Variants in GRXCR1 observed in about 807,000 individuals in gnomAD.
GRXCR1 encodes glutaredoxin and cysteine rich domain containing 1.
GRXCR1 carries 27 observed loss-of-function variants against 27.3 expected under a neutral mutation model. The observed-to-expected ratio is 0.99, with a 90% CI of 0.73 to 1.37. GRXCR1 has a LOEUF of 1.37. GRXCR1 is among the 40% of genes most tolerant of loss of function. The probability of loss-of-function intolerance (pLI) is 0.00; values close to 1 mark genes in which losing one functional copy is unlikely to be tolerated. For synonymous variants in GRXCR1, 122 were observed against 131.1 expected (o/e 0.93, Z 0.47); for missense variants, 379 against 354.4 (o/e 1.07, Z -0.56).
At chr4:42,939,930 C>T (rs568064429) in intron 1 of GRXCR1, among the ~76,000 whole-genome samples, 43 of 151,940 alleles carry the variant, frequency 2.8e-4, no homozygotes, top group Non-Finnish European at 5.6e-4. Flanking sequence ...TATTTTTTCC[C>T]CTTAGTTGAG....
chr4:42,918,769 A>G lies in GRXCR1; in HGVS notation c.384+25119A>G, dbSNP rs1211845905. Among the ~76,000 whole-genome samples, 6 of 152,226 alleles carry G rather than the reference A, an allele frequency of 3.9e-5. No homozygotes were observed. In the East Asian group the frequency reaches 9.7e-4, roughly 25 times the overall value. On this transcript the variant is annotated intron_variant, in intron 1 of 3. Transcript: ENST00000399770. ...GACATTCCATTACAGGCTCAATCCT[A>G]GAGTGAATCTATCCTAGGATCAAGC...
At chr4:43,014,435 T>C (rs1409575117) in intron 2 of GRXCR1, among the ~76,000 whole-genome samples, 2 of 152,138 alleles carry the variant, frequency 1.3e-5, no homozygotes, top group African/African-American at 4.8e-5. Flanking sequence ...GGCATCATGC[T>C]AGGTGCGGGT....
In GRXCR1 at chr4:43,020,571, T is replaced by C. The variant is rs367933569; in HGVS notation, c.693+152T>C. On this transcript the variant is annotated intron_variant, in intron 3 of 3. Coordinates refer to ENST00000399770, the MANE Select transcript of GRXCR1 (RefSeq NM_001080476.3). ...GCAGTTTTAATTTGATATCTTCTGT[T>C]ATTAGGTTTGTTGCAGCTAGAGTGA... is the stretch of plus-strand genomic sequence containing the variant. The C allele has an allele frequency of 1.5e-5, 10 of 677,894 alleles. No homozygotes were observed. The African/African-American group carries it at 1.6e-4, about 11-fold the overall frequency. 42.0% of individuals were successfully genotyped at this position (677,894 alleles called of 1,614,324 possible). A position where few individuals can be genotyped will look rare whatever the true frequency, so the allele number is the denominator to read the frequency against.
chr4:43,016,296 A>G (rs1406494742), intron 2 of GRXCR1, among the ~76,000 whole-genome samples: 1 of 152,196 alleles, frequency 6.6e-6, no homozygotes, highest in Non-Finnish European at 1.5e-5. Context: ...GGTGACTACG[A>G]AAGGACATGT....
chr4:42,987,599 G>A (rs1017192988), intron 2 of GRXCR1, among the ~76,000 whole-genome samples: 4 of 151,954 alleles, frequency 2.6e-5, no homozygotes, highest in Non-Finnish European at 5.9e-5. Flanking sequence ...ATAAGAAGTG[G>A]TGAAAATGTA....
chr4:42,921,527 G>C (rs1240131330), intron 1 of GRXCR1, among the ~76,000 whole-genome samples: 5 of 151,912 alleles, frequency 3.3e-5, no homozygotes, highest in East Asian at 1.9e-4. Flanking sequence ...AGAATTCATG[G>C]GCAGAGTATG....
At chr4:42,910,735 G>A (rs1282342985) in intron 1 of GRXCR1, among the ~76,000 whole-genome samples, 2 of 152,130 alleles carry the variant, frequency 1.3e-5, no homozygotes, top group Non-Finnish European at 2.9e-5. Flanking sequence ...GACTCCTCCA[G>A]TCTTATCGCT....
intron 2 of GRXCR1, among the ~76,000 whole-genome samples, chr4:42,990,431 T>G (rs1711933841): frequency 6.6e-6 from 1 of 151,770 alleles, no homozygotes; most frequent in Admixed American, 6.6e-5. Flanking sequence ...GACCTCGTGA[T>G]CTGCCCGCCT....
intron 3 of GRXCR1, among the ~76,000 whole-genome samples, chr4:43,026,451 C>A (rs1713261948): frequency 1.5e-5 from 2 of 134,464 alleles, no homozygotes; most frequent in African/African-American, 7.8e-5. Flanking sequence ...CACTGGGGAG[C>A]TTTAGTGGGT....
intron 2 of GRXCR1, among the ~76,000 whole-genome samples, chr4:42,968,656 G>A (rs1748305850): frequency 6.6e-6 from 1 of 151,872 alleles, no homozygotes; most frequent in Non-Finnish European, 1.5e-5. Flanking sequence ...TCTCCTAATA[G>A]TATAAGGTAG....
intron 1 of GRXCR1, among the ~76,000 whole-genome samples, chr4:42,927,709 A>G (rs1221153059): frequency 3.9e-5 from 6 of 152,014 alleles, no homozygotes; most frequent in East Asian, 1.9e-4. Flanking sequence ...GATCTTTTGG[A>G]AACCTTGGAG....
At chr4:43,006,499 C>T (rs750076227) in intron 2 of GRXCR1, among the ~76,000 whole-genome samples, 7 of 152,102 alleles carry the variant, frequency 4.6e-5, no homozygotes, top group Admixed American at 6.6e-5. Context: ...CTCTTATGGT[C>T]GAGACTGCAG....
intron 2 of GRXCR1, among the ~76,000 whole-genome samples, chr4:43,013,080 A>G (rs938472205): frequency 6.6e-6 from 1 of 152,236 alleles, no homozygotes; most frequent in African/African-American, 2.4e-5. Context: ...TTGATGGGAA[A>G]GTAAATTATT....
At chr4:42,984,988 C>A (rs975936334) in intron 2 of GRXCR1, among the ~76,000 whole-genome samples, 4 of 152,104 alleles carry the variant, frequency 2.6e-5, no homozygotes, top group Admixed American at 1.3e-4. Flanking sequence ...GGGTCCAAGG[C>A]AAAGTCTTAT....
rs753837921 is a variant in GRXCR1 at position 42,893,317 on chromosome 4, G to C, written c.51G>C (p.Arg17=). The C allele has an allele frequency of 1.9e-5, 30 of 1,613,644 alleles. No individual in the cohort carries two copies. In the East Asian group the frequency reaches 6.2e-4, roughly 34 times the overall value. The change falls in exon 1 of 4, where the codon CGG becomes CGC. Residue 17 remains arginine (R), a synonymous_variant. Coordinates refer to ENST00000399770, the MANE Select transcript of GRXCR1 (RefSeq NM_001080476.3). ...AAAGTGACAGGCCACGGAAAGTCCG[G>C]TTTCGGATCGCGTCCTCTCACAGTG... ...KPESDRPRKV[R]FRIASSHSGR...
At chr4:42,915,602 G>C (rs1746867959) in intron 1 of GRXCR1, among the ~76,000 whole-genome samples, 1 of 152,006 alleles carries the variant, frequency 6.6e-6, no homozygotes, top group Non-Finnish European at 1.5e-5. Context: ...GAGTAGCTTG[G>C]CTCAGGTCCT....
intron 1 of GRXCR1, among the ~76,000 whole-genome samples, chr4:42,903,913 AAG>A (rs1746525574): frequency 6.6e-6 from 1 of 152,130 alleles, no homozygotes; most frequent in African/African-American, 2.4e-5. Flanking sequence ...CATCCTGCAT[AAG>A]AGTCTTTGCC....
chr4:42,906,642 T>C (rs544625344), intron 1 of GRXCR1, among the ~76,000 whole-genome samples: 8 of 152,168 alleles, frequency 5.3e-5, no homozygotes, highest in Non-Finnish European at 1.2e-4. Flanking sequence ...CTGATTTTAT[T>C]GGTCACCAGC....
At chr4:42,994,630 C>G (rs1712088511) in intron 2 of GRXCR1, among the ~76,000 whole-genome samples, 1 of 152,050 alleles carries the variant, frequency 6.6e-6, no homozygotes. Context: ...AAGCATATAA[C>G]ACAAAGTGAG....
Sources: allele counts gnomAD v4.1 joint callset (sites outside exome capture counted in the v4.1 genomes callset), GRCh38; gene constraint gnomAD v4.1.1; transcripts MANE v1.5; gene names NCBI Gene and HGNC (gene_info 2026-07-23, HGNC 2026-07-21).